FRMD5: variants seen among roughly 807,000 people sequenced by gnomAD.
FRMD5 encodes the protein FERM domain-containing protein 5.
FRMD5 carries 20 observed loss-of-function variants against 69.0 expected under a neutral mutation model. The ratio of observed to expected loss-of-function variants is 0.29; its 90% CI spans 0.20 to 0.42. The LOEUF (loss-of-function observed/expected upper bound fraction) is 0.42. Ranked by LOEUF, FRMD5 falls within the 10% of genes least tolerant of loss-of-function variation. The pLI, the probability that FRMD5 is intolerant of heterozygous loss-of-function variation, is 1.00. For missense variants in FRMD5, 595 were observed against 708.6 expected (o/e 0.84, Z 1.82); for synonymous variants, 271 against 260.1 (o/e 1.04, Z -0.40).
At chr15:44,074,296 T>G (rs1893666759) in intron 1 of FRMD5, among the ~76,000 whole-genome samples, 1 of 152,204 alleles carries the variant, frequency 6.6e-6, no homozygotes, top group African/African-American at 2.4e-5. Context: ...TTTTTCTTTT[T>G]TCTGAGCTGC....
intron 1 of FRMD5, among the ~76,000 whole-genome samples, chr15:44,108,419 C>T (rs138904348): frequency 0.017 from 2,637 of 152,086 alleles, 81 homozygotes; most frequent in African/African-American, 0.06. Flanking sequence ...CCAAGGCAGG[C>T]GGATCACCTG....
intron 13 of FRMD5, among the ~76,000 whole-genome samples, chr15:43,875,280 G>A (rs567337241): frequency 6.8e-6 from 1 of 147,060 alleles, no homozygotes; most frequent in Non-Finnish European, 1.5e-5. Context: ...GAGCCTGGGA[G>A]GTCAAAGCTG....
At chr15:44,010,700 C>G (rs1416669270) in intron 1 of FRMD5, among the ~76,000 whole-genome samples, 1 of 152,090 alleles carries the variant, frequency 6.6e-6, no homozygotes, top group Non-Finnish European at 1.5e-5. Context: ...AACCTCTTCT[C>G]TAAACCAGAC....
At chr15:44,012,992 C>G (rs1351180928) in intron 1 of FRMD5, among the ~76,000 whole-genome samples, 2 of 152,130 alleles carry the variant, frequency 1.3e-5, no homozygotes, top group Non-Finnish European at 2.9e-5. Flanking sequence ...TCTCGAACTC[C>G]TGACCTCAGG....
chr15:43,920,379 AC>A (rs1305902192), intron 2 of FRMD5, among the ~76,000 whole-genome samples: 2 of 152,204 alleles, frequency 1.3e-5, no homozygotes, highest in Non-Finnish European at 2.9e-5. Flanking sequence ...GAAAACACAT[AC>A]TCAGGATTCC....
Position 43,875,946 on chromosome 15 carries a change from G to A in FRMD5, c.1136-1484C>T, listed in dbSNP as rs118074011. 4,563 of 1,334,286 alleles carry A rather than the reference G, an allele frequency of 3.4e-3. 118 individuals are homozygous for A. In the East Asian group the frequency reaches 0.073, roughly 21 times the overall value. 82.7% of individuals were successfully genotyped at this position (1,334,286 alleles called of 1,614,324 possible). A position where few individuals can be genotyped will look rare whatever the true frequency, so the allele number is the denominator to read the frequency against. The stretch of plus-strand genomic sequence containing the variant: ...CTTATCCATCACACTTATAGGCAAG[G>A]CAAATGCTGCTTCTTGAAATGGTCC... On this transcript the variant is annotated intron_variant, in intron 13 of 13. Coordinates refer to ENST00000417257, the MANE Select transcript of FRMD5 (RefSeq NM_032892.5).
At chr15:43,977,721 T>C (rs1000450607) in intron 1 of FRMD5, among the ~76,000 whole-genome samples, 6 of 152,208 alleles carry the variant, frequency 3.9e-5, no homozygotes, top group Admixed American at 6.5e-5. Flanking sequence ...TGTTTGGATA[T>C]TCCTTCTTTT....
intron 4 of FRMD5, among the ~76,000 whole-genome samples, chr15:43,913,933 G>A (rs1013905064): frequency 1.3e-5 from 2 of 152,214 alleles, no homozygotes; most frequent in African/African-American, 4.8e-5. Flanking sequence ...CCGGATTTAG[G>A]AGAACACGCT....
intron 1 of FRMD5, among the ~76,000 whole-genome samples, chr15:44,000,746 C>A (rs1890175258): frequency 1.3e-5 from 2 of 152,186 alleles, no homozygotes; most frequent in Non-Finnish European, 2.9e-5. Flanking sequence ...AGGTGTGATC[C>A]ACTGTACCCT....
intron 1 of FRMD5, among the ~76,000 whole-genome samples, chr15:44,072,308 A>C (rs971035549): frequency 6.6e-6 from 1 of 152,220 alleles, no homozygotes; most frequent in African/African-American, 2.4e-5. Flanking sequence ...CAACAGTCAA[A>C]ATAAGGAACA....
At position 43,909,991 on chromosome 15, in the gene FRMD5, A is replaced by G; in HGVS notation, c.330-12T>C. ...GGAAGACTAAATACCTGGAGAGAAA[A>G]CAGAGAATAAACTATAAAGGATTTC... On this transcript the variant is annotated splice_polypyrimidine_tract_variant and intron_variant, in intron 4 of 13. Coordinates refer to ENST00000417257, the MANE Select transcript of FRMD5 (RefSeq NM_032892.5). 6.9e-7 allele frequency: 1 copy of G among 1,443,084 alleles called. No homozygotes were observed. The highest frequency in any genetic ancestry group is 9.7e-7 in the Non-Finnish European group (1 of 1,026,124). The allele number at this position is 1,443,084 out of a possible 1,614,324, so 89.4% of individuals were successfully genotyped here.
chr15:43,988,310 G>T (rs1378125939), intron 1 of FRMD5, among the ~76,000 whole-genome samples: 1 of 150,790 alleles, frequency 6.6e-6, no homozygotes. Flanking sequence ...AGACCCTTTT[G>T]CAGCAAAAAG....
intron 7 of FRMD5, among the ~76,000 whole-genome samples, chr15:43,896,139 T>G (rs1467613501): frequency 6.6e-6 from 1 of 152,182 alleles, no homozygotes; most frequent in Non-Finnish European, 1.5e-5. Flanking sequence ...ACTAGGGTCC[T>G]GATAGCTATG....
intron 1 of FRMD5, among the ~76,000 whole-genome samples, chr15:44,147,199 C>T (rs1328052366): frequency 1.3e-5 from 2 of 152,134 alleles, no homozygotes; most frequent in African/African-American, 4.8e-5. Context: ...TTTCGATTTT[C>T]TGCATATGGC....
In FRMD5 at chr15:44,178,078, C is replaced by T. The variant is rs377224487; in HGVS notation, c.102+16875G>A. Among the ~76,000 whole-genome samples, 40 of 152,252 alleles carry T rather than the reference C, an allele frequency of 2.6e-4. 1 individual carries two copies. Among genetic ancestry groups the T allele is most frequent in the African/African-American group, 9.4e-4 (39 of 41,544 alleles). On this transcript the variant is annotated intron_variant, in intron 1 of 13. Transcript: ENST00000417257. ...CACTGTGGCTCATGCCTGTAATCCA[C>T]TTTGGGAGGCTGAGGCGGGCAGATC... is the stretch of plus-strand genomic sequence containing the variant.
intron 1 of FRMD5, among the ~76,000 whole-genome samples, chr15:44,108,226 C>T (rs2140566110): frequency 6.6e-6 from 1 of 152,258 alleles, no homozygotes; most frequent in African/African-American, 2.4e-5. Context: ...GTCTCCCTTG[C>T]CAGGTGCAGT....
At chr15:44,012,944 T>C (rs1272831720) in intron 1 of FRMD5, among the ~76,000 whole-genome samples, 1 of 146,548 alleles carries the variant, frequency 6.8e-6, no homozygotes, top group African/African-American at 2.4e-5. Flanking sequence ...TTTTGTATTT[T>C]TAGTAATGGT....
intron 1 of FRMD5, 45 bp from the exon 2 acceptor site, chr15:43,924,354 A>G: frequency 7.1e-7 from 1 of 1,411,320 alleles, no homozygotes; most frequent in South Asian, 1.2e-5. Context: ...GGGTTTCTTC[A>G]GTGTAACTTT....
chr15:44,071,425 TAAACAAAACAAAACA>T (rs140305798), intron 1 of FRMD5, among the ~76,000 whole-genome samples: 23 of 151,196 alleles, frequency 1.5e-4, no homozygotes, highest in Admixed American at 7.2e-4. Flanking sequence ...AGACCCTGTC[TAAACAAAACAAAACA>T]AAACAAAACA....
Sources: gnomAD v4.1 joint callset for allele counts (sites outside exome capture counted in the v4.1 genomes callset) on GRCh38, gnomAD v4.1.1 for gene constraint, MANE v1.5 for transcripts, NCBI Gene and HGNC (gene_info 2026-07-23, HGNC 2026-07-21) for gene names.